Variants in LSAMP observed in about 807,000 individuals in gnomAD.
LSAMP encodes the protein limbic system-associated membrane protein.
LSAMP carries 7 observed loss-of-function variants against 38.6 expected under a neutral mutation model. The ratio of observed to expected loss-of-function variants is 0.18; its 90% CI spans 0.10 to 0.34. The LOEUF (loss-of-function observed/expected upper bound fraction) is 0.34. Among genes scored for constraint, LSAMP ranks in the 10% least tolerant of loss-of-function variants. The probability of loss-of-function intolerance (pLI) is 1.00; values close to 1 mark genes in which losing one functional copy is unlikely to be tolerated. For missense variants in LSAMP, 313 were observed against 420.0 expected (o/e 0.75, Z 2.23); for synonymous variants, 154 against 166.8 (o/e 0.92, Z 0.59).
chr3:115,890,167 A>G (rs1936559503), intron 3 of LSAMP, among the ~76,000 whole-genome samples: 1 of 151,926 alleles, frequency 6.6e-6, no homozygotes, highest in Non-Finnish European at 1.5e-5. Context: ...GAATTCCTAA[A>G]TCTCAAAAGC....
intron 1 of LSAMP, among the ~76,000 whole-genome samples, chr3:116,145,065 A>T (rs1709458606): frequency 6.6e-6 from 1 of 151,860 alleles, no homozygotes; most frequent in Admixed American, 6.6e-5. Context: ...TTTTAATATT[A>T]TCGCTTTTTC....
chr3:116,057,957 C>CA (rs1553699978), intron 2 of LSAMP, among the ~76,000 whole-genome samples: 15 of 117,562 alleles, frequency 1.3e-4, no homozygotes, highest in South Asian at 8.6e-4. Flanking sequence ...ACACACACAC[C>CA]CACACACACA....
At chr3:116,087,711 C>T (rs1708022812) in intron 1 of LSAMP, among the ~76,000 whole-genome samples, 1 of 152,120 alleles carries the variant, frequency 6.6e-6, no homozygotes, top group Non-Finnish European at 1.5e-5. Flanking sequence ...GTCAAAACAA[C>T]TAAACATAGA....
At chr3:115,945,431 C>T (rs549235388) in intron 3 of LSAMP, among the ~76,000 whole-genome samples, 6 of 152,066 alleles carry the variant, frequency 3.9e-5, no homozygotes, top group East Asian at 1.9e-4. Flanking sequence ...GGTTGTGATA[C>T]GAGTTTCTGG....
At chr3:115,826,552 A>T (rs1008945444) in intron 6 of LSAMP, among the ~76,000 whole-genome samples, 13 of 152,274 alleles carry the variant, frequency 8.5e-5, no homozygotes, top group African/African-American at 3.1e-4. Flanking sequence ...TAGTTCATTA[A>T]GTACTTCTCC....
At chr3:115,834,038 A>G (rs1015452788) in intron 6 of LSAMP, among the ~76,000 whole-genome samples, 2 of 152,204 alleles carry the variant, frequency 1.3e-5, no homozygotes, top group East Asian at 3.9e-4. Context: ...ATTTAAAAGG[A>G]AAGAAAAAAA....
intron 3 of LSAMP, among the ~76,000 whole-genome samples, chr3:115,971,498 A>C (rs1404764832): frequency 6.6e-6 from 1 of 152,158 alleles, no homozygotes; most frequent in East Asian, 1.9e-4. Context: ...TTTCTAGTGC[A>C]CTGACTGACC....
intron 3 of LSAMP, among the ~76,000 whole-genome samples, chr3:116,005,947 G>T (rs1940146859): frequency 1.3e-5 from 2 of 152,060 alleles, no homozygotes; most frequent in Non-Finnish European, 2.9e-5. Context: ...TTTAAGAGAG[G>T]ATTTACCTCT....
intron 3 of LSAMP, among the ~76,000 whole-genome samples, chr3:115,972,087 C>A (rs1414843725): frequency 6.6e-6 from 1 of 152,026 alleles, no homozygotes; most frequent in African/African-American, 2.4e-5. Context: ...TCTATAAATT[C>A]TGGCTATAAT....
intron 1 of LSAMP, among the ~76,000 whole-genome samples, chr3:116,325,709 T>G (rs1357592994): frequency 6.6e-6 from 1 of 152,180 alleles, no homozygotes; most frequent in Non-Finnish European, 1.5e-5. Context: ...ACACTTCAGA[T>G]GCAGAGTTTT....
intron 1 of LSAMP, among the ~76,000 whole-genome samples, chr3:116,301,690 T>C (rs75097471): frequency 0.095 from 14,514 of 152,204 alleles, 805 homozygotes; most frequent in Middle Eastern, 0.16. Flanking sequence ...CATGGTAAAA[T>C]GTACTCCTGC....
At chr3:116,375,323 A>G (rs915100487) in intron 1 of LSAMP, among the ~76,000 whole-genome samples, 9 of 151,982 alleles carry the variant, frequency 5.9e-5, no homozygotes, top group African/African-American at 2.2e-4. Flanking sequence ...ATATTAAAAA[A>G]CAGGCAAACT....
At chr3:116,262,225 G>A (rs1299536276) in intron 1 of LSAMP, among the ~76,000 whole-genome samples, 2 of 152,176 alleles carry the variant, frequency 1.3e-5, no homozygotes, top group Non-Finnish European at 2.9e-5. Context: ...TGTGAATGAA[G>A]TTAATTGTTA....
At chr3:116,381,151 C>A (rs552453978) in intron 1 of LSAMP, among the ~76,000 whole-genome samples, 1 of 152,050 alleles carries the variant, frequency 6.6e-6, no homozygotes, top group Non-Finnish European at 1.5e-5. Flanking sequence ...AAAATTTAAT[C>A]TAGATCTAAT....
At chr3:115,937,881 G>A (rs1937764032) in intron 3 of LSAMP, among the ~76,000 whole-genome samples, 1 of 152,032 alleles carries the variant, frequency 6.6e-6, no homozygotes, top group South Asian at 2.1e-4. Context: ...ATCTGGTTGT[G>A]TTTACTATGA....
chr3:116,071,052 A>T (rs74900475), intron 2 of LSAMP, among the ~76,000 whole-genome samples: 14,259 of 127,862 alleles, frequency 0.11, 802 homozygotes, highest in Non-Finnish European at 0.14. Context: ...AAATAAATAA[A>T]TAATAAATAA....
intron 1 of LSAMP, among the ~76,000 whole-genome samples, chr3:116,433,546 G>A (rs1204338490): frequency 1.3e-5 from 2 of 152,286 alleles, no homozygotes; most frequent in South Asian, 2.1e-4. Context: ...TTCCAGGAAT[G>A]TGTAATGAGC....
intron 3 of LSAMP, among the ~76,000 whole-genome samples, chr3:115,882,292 G>A (rs59307414): frequency 0.15 from 22,582 of 151,976 alleles, 2,026 homozygotes; most frequent in African/African-American, 0.26. Context: ...TGTACCAGGT[G>A]CTGGACTAGG....
At chr3:115,941,705 A>G (rs917923277) in intron 3 of LSAMP, among the ~76,000 whole-genome samples, 3 of 152,174 alleles carry the variant, frequency 2.0e-5, no homozygotes, top group Non-Finnish European at 4.4e-5. Flanking sequence ...GCACAGAAAG[A>G]CAAATACTGT....
Sources: allele counts gnomAD v4.1 joint callset (sites outside exome capture counted in the v4.1 genomes callset), GRCh38; gene constraint gnomAD v4.1.1; transcripts MANE v1.5; gene names NCBI Gene and HGNC (gene_info 2026-07-23, HGNC 2026-07-21).